The following NIPSNAP1 variants were observed in gnomAD, a reference collection of about 807,000 sequenced individuals.
The protein encoded by NIPSNAP1 is protein NipSnap homolog 1.
Under a neutral mutation model 49.2 loss-of-function variants are expected in NIPSNAP1, and 25 were observed. The ratio of observed to expected loss-of-function variants is 0.51; its 90% confidence interval spans 0.37 to 0.71. The LOEUF (loss-of-function observed/expected upper bound fraction) is 0.71. NIPSNAP1 is among the 30% of genes least tolerant of loss of function. The pLI, the probability that NIPSNAP1 is intolerant of heterozygous loss-of-function variation, is 0.00. For missense variants in NIPSNAP1, 294 were observed against 361.0 expected (o/e 0.81, Z 1.50); for synonymous variants, 143 against 140.7 (o/e 1.02, Z -0.12).
Position 29,555,977 on chromosome 22 carries a change from C to T in NIPSNAP1, c.813G>A (p.Glu271=). ...YYTVPLVRHM[E]SRIMIPLKIS... is the part of the protein sequence containing the mutation. ...TCTTCAAGGGGATCATGATCCTAGACTCCATGTGTCGCACCAGGGGGACTG... is the reference window on the plus strand; with the variant it reads ...TCTTCAAGGGGATCATGATCCTAGATTCCATGTGTCGCACCAGGGGGACTG... The change falls in exon 10 of 10, where the codon GAG becomes GAA. Residue 271 remains glutamate, a synonymous_variant. Coordinates refer to ENST00000216121, the MANE Select transcript of NIPSNAP1 (RefSeq NM_003634.4). The T allele has an allele frequency of 6.4e-7, 1 of 1,551,728 alleles. No individual in the cohort carries two copies. Among genetic ancestry groups the T allele is most frequent in the South Asian group, 1.2e-5 (1 of 84,058 alleles).
chr22:29,567,470 C>T (rs970919567), intron 4 of NIPSNAP1, among the ~76,000 whole-genome samples: 1 of 152,106 alleles, frequency 6.6e-6, no homozygotes, highest in Non-Finnish European at 1.5e-5. Context: ...ATTACTGAGG[C>T]CTGGAGAGCT....
chr22:29,562,525 C>G (rs904797493), intron 4 of NIPSNAP1, among the ~76,000 whole-genome samples: 4 of 152,144 alleles, frequency 2.6e-5, no homozygotes, highest in African/African-American at 7.2e-5. Context: ...AACCCCATCT[C>G]TACTAAAAAT....
intron 4 of NIPSNAP1, among the ~76,000 whole-genome samples, chr22:29,567,433 G>C (rs952970088): frequency 2.0e-5 from 3 of 152,194 alleles, no homozygotes; most frequent in Non-Finnish European, 4.4e-5. Flanking sequence ...CAGCTATAGG[G>C]GTACATGATC....
intron 3 of NIPSNAP1, chr22:29,569,740 C>T: frequency 3.0e-6 from 1 of 332,680 alleles, no homozygotes; most frequent in Non-Finnish European, 5.8e-6. Context: ...CCTGTAATCC[C>T]AGCACTCGGA....
chr22:29,577,876 G>A (rs1430981407), intron 1 of NIPSNAP1, among the ~76,000 whole-genome samples: 1 of 149,174 alleles, frequency 6.7e-6, no homozygotes, highest in Non-Finnish European at 1.5e-5. Context: ...GGGAATACAG[G>A]AACACACCAC....
intron 1 of NIPSNAP1, among the ~76,000 whole-genome samples, chr22:29,573,355 T>G (rs2064424956): frequency 6.6e-6 from 1 of 152,100 alleles, no homozygotes; most frequent in South Asian, 2.1e-4. Context: ...TATGTTTGTA[T>G]AAGCATAAAA....
intron 4 of NIPSNAP1, among the ~76,000 whole-genome samples, chr22:29,567,084 T>C: frequency 6.6e-6 from 1 of 152,184 alleles, no homozygotes; most frequent in Admixed American, 6.5e-5. Context: ...ATTGCACCAC[T>C]GTACCCCAGC....
At chr22:29,566,163 T>C (rs2064367221) in intron 4 of NIPSNAP1, among the ~76,000 whole-genome samples, 1 of 151,708 alleles carries the variant, frequency 6.6e-6, no homozygotes, top group Admixed American at 6.6e-5. Flanking sequence ...TTTTCTTCTT[T>C]TTTTTTTAAT....
chr22:29,560,000 C>A (rs539512992), intron 8 of NIPSNAP1, among the ~76,000 whole-genome samples: 29 of 152,290 alleles, frequency 1.9e-4, no homozygotes, highest in Admixed American at 1.2e-3. Context: ...TCCCCACATT[C>A]TTCCCTACTC....
chr22:29,574,962 G>A (rs1399099908), intron 1 of NIPSNAP1, among the ~76,000 whole-genome samples: 1 of 152,100 alleles, frequency 6.6e-6, no homozygotes, highest in Non-Finnish European at 1.5e-5. Flanking sequence ...ATTCTCGCGA[G>A]GATAAAATGG....
chr22:29,580,528 G>A (rs2064489982), intron 1 of NIPSNAP1, among the ~76,000 whole-genome samples: 1 of 152,186 alleles, frequency 6.6e-6, no homozygotes, highest in African/African-American at 2.4e-5. Flanking sequence ...CACCTGTACA[G>A]TTCGAGGTGG....
chr22:29,566,299 T>C lies in NIPSNAP1; in HGVS notation c.367+2894A>G, dbSNP rs2064368103. Among the ~76,000 whole-genome samples, 6 of 152,082 alleles carry C rather than the reference T, an allele frequency of 3.9e-5. No individual in the cohort carries two copies. In the South Asian group the frequency reaches 1.2e-3, roughly 32 times the overall value. On this transcript the variant is annotated intron_variant, in intron 4 of 9. Transcript: ENST00000216121. ...GGGATTATAAGCATAAGCCACCATATTCAGTCCTGAATTTTTTCTTTTTTA... is the reference window on the plus strand; with the variant it reads ...GGGATTATAAGCATAAGCCACCATACTCAGTCCTGAATTTTTTCTTTTTTA...
chr22:29,564,403 CA>C (rs754411630), intron 4 of NIPSNAP1: 55 of 470,780 alleles, frequency 1.2e-4, no homozygotes, highest in Non-Finnish European at 1.9e-4. Context: ...AGAAAAGTTA[CA>C]AGGACAGCAT....
chr22:29,570,568 GT>G, intron 1 of NIPSNAP1, 36 bp from the exon 2 acceptor site: 1 of 1,601,420 alleles, frequency 6.2e-7, no homozygotes. Context: ...ACGCGCGGAG[GT>G]TGGGGGAGCC....
intron 8 of NIPSNAP1, among the ~76,000 whole-genome samples, chr22:29,559,821 A>C (rs73159031): frequency 9.1e-4 from 138 of 152,286 alleles, no homozygotes; most frequent in Non-Finnish European, 1.7e-3. Flanking sequence ...GGCTTCCTGA[A>C]GCCCTGCTTT....
At chr22:29,576,080 G>A (rs1196204920) in intron 1 of NIPSNAP1, among the ~76,000 whole-genome samples, 9 of 149,888 alleles carry the variant, frequency 6.0e-5, no homozygotes, top group African/African-American at 1.5e-4. Flanking sequence ...GTGCAGTGGC[G>A]TAATCTCAGC....
At chr22:29,579,476 T>C (rs980242181) in intron 1 of NIPSNAP1, among the ~76,000 whole-genome samples, 2 of 151,890 alleles carry the variant, frequency 1.3e-5, no homozygotes, top group African/African-American at 2.4e-5. Flanking sequence ...TTTTGTATTT[T>C]TAGTAGAGAT....
chr22:29,570,153 G>A lies in NIPSNAP1; in HGVS notation c.272+9C>T. ...CAGGGGATGGGATGTATGGATGCAG[G>A]GTGCTCACGTGAGGCTGTTGTAGGC... On this transcript the variant is annotated intron_variant, in intron 3 of 9. Coordinates refer to ENST00000216121, the MANE Select transcript of NIPSNAP1 (RefSeq NM_003634.4). 1.9e-6 allele frequency: 3 copies of A among 1,613,406 alleles called. No homozygotes were observed. The highest frequency in any genetic ancestry group is 2.5e-6 in the Non-Finnish European group (3 of 1,179,514).
chr22:29,579,996 G>T, intron 1 of NIPSNAP1: 2 of 1,004,804 alleles, frequency 2.0e-6, no homozygotes, highest in Non-Finnish European at 2.8e-6. Context: ...ACATCTCATG[G>T]CAGGCACTAT....
Sources: allele counts gnomAD v4.1 joint callset (sites outside exome capture counted in the v4.1 genomes callset), GRCh38; gene constraint gnomAD v4.1.1; transcripts MANE v1.5; gene names NCBI Gene and HGNC (gene_info 2026-07-23, HGNC 2026-07-21).